The following RHOU variants were observed in gnomAD, a reference collection of about 807,000 sequenced individuals.
The protein encoded by RHOU is rho-related GTP-binding protein RhoU.
Under a neutral mutation model 12.6 loss-of-function variants are expected in RHOU, and 8 were observed. That is an observed-to-expected ratio of 0.64 (90% confidence interval 0.37 to 1.15). The LOEUF is 1.15. Among genes scored for constraint, RHOU ranks in the 50% most tolerant of loss-of-function variants. The pLI is 0.01. For missense variants in RHOU, 258 were observed against 347.0 expected (o/e 0.74, Z 2.04); for synonymous variants, 161 against 147.4 (o/e 1.09, Z -0.67).
chr1:228,732,332 C>T (rs960062984), upstream of RHOU, among the ~76,000 whole-genome samples: 1 of 152,166 alleles, frequency 6.6e-6, no homozygotes, highest in African/African-American at 2.4e-5. Flanking sequence ...CTTGAACCCA[C>T]ACACCTTGGA....
chr1:228,729,685 A>T, the RHOU span, among the ~76,000 whole-genome samples: 2 of 152,204 alleles, frequency 1.3e-5, no homozygotes, highest in Non-Finnish European at 2.9e-5. Context: ...TAGACATTGA[A>T]ATTTTGAGTT....
chr1:228,726,915 C>T, the RHOU span, among the ~76,000 whole-genome samples: 1 of 152,198 alleles, frequency 6.6e-6, no homozygotes, highest in Non-Finnish European at 1.5e-5. Flanking sequence ...AAAGTCTTCT[C>T]ACCTGGTCAG....
chr1:228,713,672 G>C, the RHOU span, among the ~76,000 whole-genome samples: 1 of 152,044 alleles, frequency 6.6e-6, no homozygotes, highest in Non-Finnish European at 1.5e-5. Context: ...ACATAAGTAA[G>C]TTCTATGAGC....
the RHOU span, among the ~76,000 whole-genome samples, chr1:228,653,003 A>C: frequency 6.6e-6 from 1 of 152,230 alleles, no homozygotes; most frequent in Non-Finnish European, 1.5e-5. Flanking sequence ...TATTTCCATA[A>C]GTTCAATAAG....
the RHOU span, among the ~76,000 whole-genome samples, chr1:228,695,753 G>A: frequency 6.6e-6 from 1 of 152,188 alleles, no homozygotes; most frequent in African/African-American, 2.4e-5. Context: ...TGGCTATCCT[G>A]GAACTCTCTG....
At chr1:228,668,810 C>T in the RHOU span, among the ~76,000 whole-genome samples, 1 of 152,232 alleles carries the variant, frequency 6.6e-6, no homozygotes, top group African/African-American at 2.4e-5. Flanking sequence ...TCCTTTCAGG[C>T]CTACCTGGAA....
At chr1:228,735,471 G>A (rs1433321909), upstream of RHOU, 1 of 236,990 alleles carries the variant, frequency 4.2e-6, no homozygotes, top group Non-Finnish European at 8.1e-6. The surrounding 1 kb of genome is among the most constrained non-coding windows in gnomAD (Gnocchi z 8.1). Context: ...GGGAAGCCGG[G>A]CGGAGACAGA....
the RHOU span, among the ~76,000 whole-genome samples, chr1:228,715,635 CTTTCA>C: frequency 6.6e-6 from 1 of 152,096 alleles, no homozygotes; most frequent in African/African-American, 2.4e-5. Flanking sequence ...AGGCTGAAAA[CTTTCA>C]TATACATTCT....
chr1:228,714,477 T>C, the RHOU span, among the ~76,000 whole-genome samples: 1 of 152,126 alleles, frequency 6.6e-6, no homozygotes, highest in African/African-American at 2.4e-5. Context: ...CCTTGATAAC[T>C]TCCTCCACAT....
upstream of RHOU, among the ~76,000 whole-genome samples, chr1:228,731,205 T>C (rs1165096269): frequency 6.6e-6 from 1 of 152,164 alleles, no homozygotes; most frequent in Admixed American, 6.5e-5. Context: ...AGTAGATGAT[T>C]TCACTAGATA....
At position 228,745,259 on chromosome 1, in the gene RHOU, G is replaced by C. The variant is rs1440659470; in HGVS notation, c.*1519G>C. On this transcript the variant is annotated 3_prime_UTR_variant, in exon 3 of 3. Coordinates refer to ENST00000366691, the MANE Select transcript of RHOU (RefSeq NM_021205.6). ...CTTTTACTCTGGTAGGAATGCTTCC[G>C]AGACACCACAAGGCAGCCTGAACAC... The C allele has an allele frequency of 6.6e-6, 1 of 152,304 alleles. No homozygotes were observed. The highest frequency in any genetic ancestry group is 1.9e-4 in the East Asian group (1 of 5,184). The allele number at this position is 152,304 out of a possible 1,614,324, so 9.4% of individuals were successfully genotyped here.
upstream of RHOU, among the ~76,000 whole-genome samples, chr1:228,730,484 A>T (rs1398630247): frequency 6.6e-6 from 1 of 152,180 alleles, no homozygotes; most frequent in African/African-American, 2.4e-5. Context: ...GTGTCCATCC[A>T]CTGGCATGTT....
At chr1:228,692,534 T>C in the RHOU span, among the ~76,000 whole-genome samples, 4 of 152,082 alleles carry the variant, frequency 2.6e-5, no homozygotes, top group African/African-American at 9.7e-5. Flanking sequence ...GGACTTCCCT[T>C]TCTTGTGTTT....
the RHOU span, among the ~76,000 whole-genome samples, chr1:228,669,699 C>T: frequency 1.6e-3 from 247 of 152,232 alleles, 2 homozygotes; most frequent in Middle Eastern, 6.8e-3. Context: ...GTCTACCTTA[C>T]GGGTACTTTT....
At chr1:228,740,687 G>A (rs2273271) in intron 2 of RHOU, among the ~76,000 whole-genome samples, 14,747 of 152,244 alleles carry the variant, frequency 0.097, 776 homozygotes, top group Middle Eastern at 0.22. Context: ...AGCCTTGAGG[G>A]TTAAGTGACT....
At chr1:228,726,525 C>T in the RHOU span, among the ~76,000 whole-genome samples, 432 of 152,046 alleles carry the variant, frequency 2.8e-3, 1 homozygote, top group African/African-American at 0.01. Context: ...ATTAGCCAGG[C>T]GTGGTGGCAC....
At position 228,735,836 on chromosome 1, in the gene RHOU, G is replaced by T. The variant is rs1211414434; in HGVS notation, c.94G>T (p.Gly32Trp). 8.1e-7 allele frequency: 1 copy of T among 1,239,056 alleles called. No individual in the cohort carries two copies. Among genetic ancestry groups the T allele is most frequent in the Non-Finnish European group, 1.0e-6 (1 of 992,912 alleles). 76.8% of individuals were successfully genotyped at this position (1,239,056 alleles called of 1,614,324 possible). A position where few individuals can be genotyped will look rare whatever the true frequency, so the allele number is the denominator to read the frequency against. ...RRERGGRGGR[G>W]PGEPGGRGRA... is the part of the protein sequence containing the mutation. ...GGAGCGCGGTGGACGCGGGGGACGCGGGCCTGGGGAGCCGGGGGGCCGGGG... is the reference window on the plus strand; with the variant it reads ...GGAGCGCGGTGGACGCGGGGGACGCTGGCCTGGGGAGCCGGGGGGCCGGGG... The change falls in exon 1 of 3, where the codon GGG becomes TGG. Residue 32 changes from glycine (G) to tryptophan (W), a missense_variant. Gly to Trp is a radical substitution (Grantham distance 184). Coordinates refer to ENST00000366691, the MANE Select transcript of RHOU (RefSeq NM_021205.6). The surrounding 1 kb of genome is among the most constrained non-coding windows in gnomAD (Gnocchi z 8.1).
chr1:228,646,785 C>T, the RHOU span, among the ~76,000 whole-genome samples: 6 of 152,038 alleles, frequency 3.9e-5, no homozygotes, highest in Admixed American at 2.0e-4. Flanking sequence ...CGCACGCGAG[C>T]ACGGGTGCGC....
the RHOU span, among the ~76,000 whole-genome samples, chr1:228,704,865 C>T: frequency 4.6e-5 from 7 of 151,758 alleles, no homozygotes; most frequent in South Asian, 4.2e-4. Context: ...TGCAGTGGAG[C>T]GATCTCAGTT....
Sources: allele counts gnomAD v4.1 joint callset (sites outside exome capture counted in the v4.1 genomes callset), GRCh38; gene constraint gnomAD v4.1.1; non-coding constraint Gnocchi (gnomAD v3.1); transcripts MANE v1.5; gene names NCBI Gene and HGNC (gene_info 2026-07-23, HGNC 2026-07-21).